HDAC11: variants seen among roughly 807,000 people sequenced by gnomAD.
HDAC11 encodes the protein histone deacetylase 11.
HDAC11 carries 23 observed loss-of-function variants against 41.1 expected under a neutral mutation model. The observed-to-expected ratio is 0.56, with a 90% CI of 0.40 to 0.79. The LOEUF is 0.79. HDAC11 is among the 30% of genes least tolerant of loss of function. The pLI is 0.00. For missense variants in HDAC11, 402 were observed against 477.3 expected (o/e 0.84, Z 1.47); for synonymous variants, 187 against 186.6 (o/e 1.00, Z -0.02).
intron 3 of HDAC11, among the ~76,000 whole-genome samples, chr3:13,492,641 T>C (rs987645483): frequency 1.5e-4 from 23 of 152,142 alleles, no homozygotes; most frequent in Admixed American, 3.9e-4. Flanking sequence ...ACCCCTTGGG[T>C]TGAAGAGATT....
chr3:13,504,453 C>G lies in HDAC11; in HGVS notation c.829-15C>G. The stretch of plus-strand genomic sequence containing the variant: ...GGTCTGGCCTGCCTGAGTCACCCTC[C>G]TCTTCCCCTAACAGGGCATCGTGAA... On this transcript the variant is annotated splice_polypyrimidine_tract_variant and intron_variant, in intron 9 of 9. Coordinates refer to ENST00000295757, the MANE Select transcript of HDAC11 (RefSeq NM_024827.4). 3.1e-6 allele frequency: 5 copies of G among 1,612,650 alleles called. No individual in the cohort carries two copies. The highest frequency in any genetic ancestry group is 4.2e-6 in the Non-Finnish European group (5 of 1,179,830).
At chr3:13,487,322 T>A (rs1701643322) in intron 3 of HDAC11, among the ~76,000 whole-genome samples, 1 of 152,178 alleles carries the variant, frequency 6.6e-6, no homozygotes, top group African/African-American at 2.4e-5. Flanking sequence ...AGGCTGCTTT[T>A]CCCTGGTCAT....
chr3:13,496,877 T>TG, intron 4 of HDAC11, 25 bp downstream of exon 4: 1 of 1,052,092 alleles, frequency 9.5e-7, no homozygotes, highest in Non-Finnish European at 1.4e-6. Flanking sequence ...GGGGCATGGC[T>TG]GGGCTGGGGG....
chr3:13,480,369 G>A lies in HDAC11; in HGVS notation c.2+20G>A. ...CGGGATGTGAGTGCCGCGGGGCGAG[G>A]GCGGGGGTGGGCTCCCAGGGGTCCC... On this transcript the variant is annotated intron_variant, in intron 1 of 9. Transcript: ENST00000295757. The surrounding 1 kb of genome is among the most constrained non-coding windows in gnomAD (Gnocchi z 4.6). The A allele has an allele frequency of 3.3e-6, 4 of 1,204,622 alleles. No homozygotes were observed. Among genetic ancestry groups the A allele is most frequent in the Non-Finnish European group, 4.1e-6 (4 of 968,668 alleles). The allele number at this position is 1,204,622 out of a possible 1,614,324, so 74.6% of individuals were successfully genotyped here.
At position 13,484,106 on chromosome 3, in the gene HDAC11, C is replaced by T. The variant is rs900268290; in HGVS notation, c.252+542C>T. The stretch of plus-strand genomic sequence containing the variant: ...CTGAGTGAGTAGCTAGGATTACAGG[C>T]GCGTGCCACCATGCCTGGCTAATTT... On this transcript the variant is annotated intron_variant, in intron 3 of 9. Coordinates refer to ENST00000295757, the MANE Select transcript of HDAC11 (RefSeq NM_024827.4). Among the ~76,000 whole-genome samples the T allele has an allele frequency of 5.3e-5, 8 of 151,962 alleles. 1 individual carries two copies. The highest frequency in any genetic ancestry group is 4.1e-4 in the South Asian group (2 of 4,826).
Position 13,504,802 on chromosome 3 carries a change from C to G in HDAC11, c.*119C>G, listed in dbSNP as rs1702545837. 12 of 888,148 alleles carry G rather than the reference C, an allele frequency of 1.4e-5. No individual in the cohort carries two copies. The South Asian group carries it at 1.6e-4, about 12-fold the overall frequency. 55.0% of individuals were successfully genotyped at this position (888,148 alleles called of 1,614,324 possible). ...TGAGCATGGAGGGGCAGGGCCATCC[C>G]TGGCTGGGGCCTGGAGCTGGCCCTT... On this transcript the variant is annotated 3_prime_UTR_variant, in exon 10 of 10. Transcript: ENST00000295757.
chr3:13,482,567 G>C (rs1348441580), intron 2 of HDAC11, among the ~76,000 whole-genome samples: 1 of 152,224 alleles, frequency 6.6e-6, no homozygotes, highest in Non-Finnish European at 1.5e-5. Context: ...GAGAACACTT[G>C]AGGCCGGGAG....
At chr3:13,492,250 T>C (rs1701898384) in intron 3 of HDAC11, among the ~76,000 whole-genome samples, 3 of 152,268 alleles carry the variant, frequency 2.0e-5, no homozygotes, top group Admixed American at 2.0e-4. Context: ...CAGGCCCTTG[T>C]CAGTCATGGC....
In HDAC11 at chr3:13,502,724, A is replaced by G. The variant is rs1158897174; in HGVS notation, c.553-160A>G. 4 of 614,932 alleles carry G rather than the reference A, an allele frequency of 6.5e-6. No individual in the cohort carries two copies. The highest frequency in any genetic ancestry group is 1.2e-5 in the Non-Finnish European group (4 of 341,854). 38.1% of individuals were successfully genotyped at this position (614,932 alleles called of 1,614,324 possible). On this transcript the variant is annotated intron_variant, in intron 7 of 9. Coordinates refer to ENST00000295757, the MANE Select transcript of HDAC11 (RefSeq NM_024827.4). This position sits in a 1 kb window ranked among gnomAD's most constrained non-coding sequence, Gnocchi z 4.1. ...TGTCGGGGCCTGGTTTTAAGGTTGA[A>G]TCCCAGCTCTGCCCCTTAACAGTCA... is the stretch of plus-strand genomic sequence containing the variant.
rs1201696979 is a variant in HDAC11 at position 13,502,460 on chromosome 3, G to A, written c.553-424G>A. The A allele has an allele frequency of 3.2e-5, 6 of 189,742 alleles. No individual in the cohort carries two copies. The highest frequency in any genetic ancestry group is 1.4e-4 in the East Asian group (1 of 7,150). The allele number at this position is 189,742 out of a possible 1,614,324, so 11.8% of individuals were successfully genotyped here. A position where few individuals can be genotyped will look rare whatever the true frequency, so the allele number is the denominator to read the frequency against. ...ACAGGGAGGGGACCCAGTGGGCTCC[G>A]GAAGGCACCCCCCTGCACCATTACT... On this transcript the variant is annotated intron_variant, in intron 7 of 9. Coordinates refer to ENST00000295757, the MANE Select transcript of HDAC11 (RefSeq NM_024827.4). This position sits in a 1 kb window ranked among gnomAD's most constrained non-coding sequence, Gnocchi z 4.1.
At chr3:13,490,621 T>G (rs962032759) in intron 3 of HDAC11, among the ~76,000 whole-genome samples, 6 of 152,158 alleles carry the variant, frequency 3.9e-5, no homozygotes, top group Non-Finnish European at 5.9e-5. Context: ...ATTGTTTGAA[T>G]TTCCTTTTAA....
At chr3:13,501,423 A>G (rs1271911845) in intron 6 of HDAC11, among the ~76,000 whole-genome samples, 4 of 152,164 alleles carry the variant, frequency 2.6e-5, no homozygotes. Flanking sequence ...AGGGGGAAGC[A>G]CAGGAGACCT....
intron 3 of HDAC11, among the ~76,000 whole-genome samples, chr3:13,489,804 G>A (rs955608158): frequency 6.6e-6 from 1 of 152,174 alleles, no homozygotes; most frequent in African/African-American, 2.4e-5. Flanking sequence ...GTGACCTCAA[G>A]TGATTTGCTC....
At chr3:13,504,353 A>G (rs970784912) in intron 9 of HDAC11, 81 bp downstream of exon 9, 21 of 1,587,638 alleles carry the variant, frequency 1.3e-5, no homozygotes, top group Admixed American at 1.7e-5. Context: ...GCCTCATGTC[A>G]GGGAGGAGAT....
chr3:13,495,243 C>T (rs1486352547), intron 3 of HDAC11, among the ~76,000 whole-genome samples: 1 of 152,120 alleles, frequency 6.6e-6, no homozygotes, highest in African/African-American at 2.4e-5. Context: ...TCTCTCTGGG[C>T]CTTGCCCTTC....
At chr3:13,491,068 T>TTG (rs58333021) in intron 3 of HDAC11, among the ~76,000 whole-genome samples, 3,937 of 140,296 alleles carry the variant, frequency 0.028, 73 homozygotes, top group East Asian at 0.053. Context: ...GCTTTAATAG[T>TTG]TGTGTGTGTG....
At position 13,486,868 on chromosome 3, in the gene HDAC11, T is replaced by C. The variant is rs1559372092; in HGVS notation, c.252+3304T>C. ...TGCTGGGATTACAGGCATGAGCCAC[T>C]GCTCCTGGCCCTCATGTATAGCTTT... On this transcript the variant is annotated intron_variant, in intron 3 of 9. Coordinates refer to ENST00000295757, the MANE Select transcript of HDAC11 (RefSeq NM_024827.4). Among the ~76,000 whole-genome samples, 5 of 152,174 alleles carry C rather than the reference T, an allele frequency of 3.3e-5. No homozygotes were observed. The South Asian group carries it at 8.3e-4, about 25-fold the overall frequency.
rs1702438780 is a variant in HDAC11 at position 13,502,910 on chromosome 3, GGAC to G, written c.583_585del (p.Asp195del). 1 of 1,613,426 alleles carries G rather than the reference GGAC, an allele frequency of 6.2e-7. No homozygotes were observed. Among genetic ancestry groups the G allele is most frequent in the South Asian group, 1.1e-5 (1 of 91,080 alleles). On this transcript the variant is annotated inframe_deletion, in exon 8 of 10. Coordinates refer to ENST00000295757, the MANE Select transcript of HDAC11 (RefSeq NM_024827.4). This position sits in a 1 kb window ranked among gnomAD's most constrained non-coding sequence, Gnocchi z 4.1. Reference sequence around the variant, plus strand: ...GCAATGGGCATGAGCGAGACTTCATGGACGACAAGCGTGTGTACATCATGGATG... The same window carrying G: ...GCAATGGGCATGAGCGAGACTTCATGGACAAGCGTGTGTACATCATGGATG...
In HDAC11 at chr3:13,480,744, A is replaced by C; in HGVS notation, c.2+395A>C. 1 of 480,366 alleles carries C rather than the reference A, an allele frequency of 2.1e-6. No homozygotes were observed. Among genetic ancestry groups the C allele is most frequent in the Non-Finnish European group, 4.3e-6 (1 of 234,626 alleles). 29.8% of individuals were successfully genotyped at this position (480,366 alleles called of 1,614,324 possible). On this transcript the variant is annotated intron_variant, in intron 1 of 9. Coordinates refer to ENST00000295757, the MANE Select transcript of HDAC11 (RefSeq NM_024827.4). This position sits in a 1 kb window ranked among gnomAD's most constrained non-coding sequence, Gnocchi z 4.6. ...GAAGGGTTAGCAGCGCAGCGGGGTC[A>C]GGGGATCCCCGCCCCCCGCCCTGGC...
Sources: allele counts gnomAD v4.1 joint callset (sites outside exome capture counted in the v4.1 genomes callset), GRCh38; gene constraint gnomAD v4.1.1; non-coding constraint Gnocchi (gnomAD v3.1); transcripts MANE v1.5; gene names NCBI Gene and HGNC (gene_info 2026-07-23, HGNC 2026-07-21).